SLC25A3: variants seen among roughly 807,000 people sequenced by gnomAD.
The protein encoded by SLC25A3 is phosphate transport protein.
In SLC25A3, 14 loss-of-function variants were observed where a neutral mutation model predicts 37.1. The ratio of observed to expected loss-of-function variants is 0.38; its 90% confidence interval spans 0.25 to 0.59. SLC25A3 has a LOEUF of 0.59. Ranked by LOEUF, SLC25A3 falls within the 20% of genes least tolerant of loss-of-function variation. The probability of loss-of-function intolerance (pLI) is 0.67; values close to 1 mark genes in which losing one functional copy is unlikely to be tolerated. For synonymous variants in SLC25A3, 161 were observed against 168.7 expected (o/e 0.95, Z 0.36); for missense variants, 385 against 458.1 (o/e 0.84, Z 1.46).
chr12:98,596,764 A>G (rs1190623897), intron 3 of SLC25A3, among the ~76,000 whole-genome samples: 1 of 152,214 alleles, frequency 6.6e-6, no homozygotes, highest in Non-Finnish European at 1.5e-5. Context: ...CTGGAATGCC[A>G]GCATTTTGGG....
rs1488407095 is a variant in SLC25A3, at chr12:98,594,284, G to C, written c.157+149G>C. 5.4e-6 allele frequency: 4 copies of C among 738,680 alleles called. No homozygotes were observed. In the South Asian group the frequency reaches 5.8e-5, roughly 11 times the overall value. The allele number at this position is 738,680 out of a possible 1,614,324, so 45.8% of individuals were successfully genotyped here. ...GCCCAGTTGCTTGCCCTGGGGTATCGGCCTTTTCCACCATAGGCGGGTGTC... is the reference window on the plus strand; with the variant it reads ...GCCCAGTTGCTTGCCCTGGGGTATCCGCCTTTTCCACCATAGGCGGGTGTC... On this transcript the variant is annotated intron_variant, in intron 2 of 7. Transcript: ENST00000552981.
intron 6 of SLC25A3, among the ~76,000 whole-genome samples, chr12:98,600,363 A>G (rs917101801): frequency 2.6e-5 from 4 of 151,386 alleles, no homozygotes; most frequent in African/African-American, 7.3e-5. Context: ...GCAGCCTCCC[A>G]AGTAGCTGGG....
Position 98,598,131 on chromosome 12 carries a change from GA to G in SLC25A3, c.459+100del. 5 of 1,243,070 alleles carry G rather than the reference GA, an allele frequency of 4.0e-6. No individual in the cohort carries two copies. The South Asian group carries it at 6.2e-5, about 15-fold the overall frequency. The allele number at this position is 1,243,070 out of a possible 1,614,324, so 77.0% of individuals were successfully genotyped here. A position where few individuals can be genotyped will look rare whatever the true frequency, so the allele number is the denominator to read the frequency against. On this transcript the variant is annotated intron_variant, in intron 4 of 7. Coordinates refer to ENST00000552981, the MANE Select transcript of SLC25A3 (RefSeq NM_002635.4). ...TGTCTTGCCTTATTTTAGCACTGAA[GA>G]AAATGGTCCTACAAAGTGAGCAACT...
At chr12:98,594,205 C>G in intron 2 of SLC25A3, 70 bp downstream of exon 2, 1 of 1,335,248 alleles carries the variant, frequency 7.5e-7, no homozygotes, top group Middle Eastern at 1.8e-4. Context: ...GAGGCCTGGA[C>G]CCGGCTTGGA....
chr12:98,604,265 T>G lies in SLC25A3; in HGVS notation c.*2737T>G, dbSNP rs11109543. On this transcript the variant is annotated 3_prime_UTR_variant, in exon 8 of 8. Transcript: ENST00000552981. Reference sequence around the variant, plus strand: ...GAAACTCTGTCTCAAAAAAAAAAAATATATATATATATATATATATATGAA... The same window carrying G: ...GAAACTCTGTCTCAAAAAAAAAAAAGATATATATATATATATATATATGAA... The G allele has an allele frequency of 2.2e-5, 2 of 90,776 alleles. No homozygotes were observed. Among genetic ancestry groups the G allele is most frequent in the East Asian group, 6.3e-4 (2 of 3,172 alleles). 5.6% of individuals were successfully genotyped at this position (90,776 alleles called of 1,614,324 possible).
chr12:98,601,844 A>G lies in SLC25A3; in HGVS notation c.*316A>G, dbSNP rs958253516. 2.2e-5 allele frequency: 6 copies of G among 269,792 alleles called. No individual in the cohort carries two copies. The highest frequency in any genetic ancestry group is 1.0e-4 in the Admixed American group (2 of 20,080). 16.7% of individuals were successfully genotyped at this position (269,792 alleles called of 1,614,324 possible). The stretch of plus-strand genomic sequence containing the variant: ...TTGTTGGTTGAATATTCCAGTTGCT[A>G]TTCAGAAATTGTCATATGTCTCAAG... On this transcript the variant is annotated 3_prime_UTR_variant, in exon 8 of 8. Transcript: ENST00000552981.
chr12:98,597,336 A>G (rs979350700), intron 3 of SLC25A3, among the ~76,000 whole-genome samples: 2 of 152,200 alleles, frequency 1.3e-5, no homozygotes, highest in African/African-American at 4.8e-5. Context: ...AAATATCTTA[A>G]TATTTTCAGA....
In SLC25A3 at chr12:98,600,103, G is replaced by C. The variant is rs1393066477; in HGVS notation, c.790G>C (p.Val264Leu). 2.5e-6 allele frequency: 4 copies of C among 1,612,632 alleles called. No homozygotes were observed. Among genetic ancestry groups the C allele is most frequent in the Non-Finnish European group, 2.5e-6 (3 of 1,178,578 alleles). ...SECSKPEQLVVTFVAGYIAGV... is the reference protein window; with the variant it reads ...SECSKPEQLVLTFVAGYIAGV... ...ATGTTCAAAGCCAGAGCAGCTGGTT[G>C]TAACATTTGTAGCAGGTTACATAGG... The change falls in exon 6 of 8, where the codon GTA becomes CTA. Residue 264 changes from valine to leucine, a missense_variant. This residue lies in a region of SLC25A3 where 276 missense variants were observed against 367.6 expected (regional missense o/e 0.75). Transcript: ENST00000552981.
intron 5 of SLC25A3, 147 bp downstream of exon 5, chr12:98,598,850 A>T (rs1348187208): frequency 1.2e-5 from 9 of 723,048 alleles, no homozygotes; most frequent in Admixed American, 1.1e-4. Flanking sequence ...ATCTCGGCTC[A>T]CTGCAAGCTC....
In SLC25A3 at chr12:98,603,557, GCC is replaced by G. The variant is rs1228000309; in HGVS notation, c.*2030_*2031del. 1 of 152,232 alleles carries G rather than the reference GCC, an allele frequency of 6.6e-6. No individual in the cohort carries two copies. The highest frequency in any genetic ancestry group is 2.4e-5 in the African/African-American group (1 of 41,464). The allele number at this position is 152,232 out of a possible 1,614,324, so 9.4% of individuals were successfully genotyped here. On this transcript the variant is annotated 3_prime_UTR_variant, in exon 8 of 8. Transcript: ENST00000552981. Reference sequence around the variant, plus strand: ...GGAGCAGTAGAAACGCATTAGTCCAGCCAACGTGAAAGTGGACCGTAGATCTA... The same window carrying G: ...GGAGCAGTAGAAACGCATTAGTCCAGAACGTGAAAGTGGACCGTAGATCTA...
chr12:98,603,855 A>G lies in SLC25A3; in HGVS notation c.*2327A>G, dbSNP rs1462460372. 6.6e-6 allele frequency: 1 copy of G among 152,188 alleles called. No individual in the cohort carries two copies. The highest frequency in any genetic ancestry group is 6.5e-5 in the Admixed American group (1 of 15,272). The allele number at this position is 152,188 out of a possible 1,614,324, so 9.4% of individuals were successfully genotyped here. On this transcript the variant is annotated 3_prime_UTR_variant, in exon 8 of 8. Coordinates refer to ENST00000552981, the MANE Select transcript of SLC25A3 (RefSeq NM_002635.4). ...TCAGGTTTTTAAATTATACTAAAAG[A>G]TTCTAGTAAGAAAATTTTAATATGT...
chr12:98,597,521 G>A lies in SLC25A3; in HGVS notation c.280-335G>A, dbSNP rs1032225005. The A allele has an allele frequency of 1.7e-4, 51 of 292,004 alleles. 2 individuals are homozygous for A. The highest frequency in any genetic ancestry group is 1.5e-3 in the Admixed American group (31 of 20,146). 18.1% of individuals were successfully genotyped at this position (292,004 alleles called of 1,614,324 possible). A position where few individuals can be genotyped will look rare whatever the true frequency, so the allele number is the denominator to read the frequency against. The stretch of plus-strand genomic sequence containing the variant: ...CCACCTCCCTCCCTCAGGCTCAAGC[G>A]ATTGTTCTGTCTCACCCTCACCCTC... On this transcript the variant is annotated intron_variant, in intron 3 of 7. Transcript: ENST00000552981.
Position 98,601,790 on chromosome 12 carries a change from AG to A in SLC25A3, c.*264del. The A allele has an allele frequency of 2.4e-6, 1 of 422,536 alleles. No homozygotes were observed. Among genetic ancestry groups the A allele is most frequent in the East Asian group, 4.7e-5 (1 of 21,496 alleles). 26.2% of individuals were successfully genotyped at this position (422,536 alleles called of 1,614,324 possible). On this transcript the variant is annotated 3_prime_UTR_variant, in exon 8 of 8. Coordinates refer to ENST00000552981, the MANE Select transcript of SLC25A3 (RefSeq NM_002635.4). ...TGGAAAGAATGAAGTATATAAGTTA[AG>A]GAAAAAATACAAAACTGACCATGAC... is the stretch of plus-strand genomic sequence containing the variant.
intron 4 of SLC25A3, 83 bp downstream of exon 4, chr12:98,598,118 T>A (rs1356983181): frequency 5.0e-6 from 7 of 1,387,044 alleles, no homozygotes; most frequent in Non-Finnish European, 5.1e-6. Context: ...TCTTGCCTTA[T>A]TTTAGCACTG....
intron 6 of SLC25A3, 117 bp from the exon 7 acceptor site, chr12:98,601,054 G>A: frequency 8.4e-7 from 1 of 1,189,272 alleles, no homozygotes; most frequent in Non-Finnish European, 1.2e-6. Context: ...GTCACCCTGA[G>A]TCTGATTTTT....
intron 3 of SLC25A3, among the ~76,000 whole-genome samples, chr12:98,596,868 A>G (rs2097593406): frequency 6.6e-6 from 1 of 152,126 alleles, no homozygotes; most frequent in Admixed American, 6.6e-5. Context: ...TAAAAATACA[A>G]AAATTAGCTG....
In SLC25A3 at chr12:98,605,102, C is replaced by T. The variant is rs552398124; in HGVS notation, c.*3574C>T. The T allele has an allele frequency of 6.6e-6, 1 of 152,222 alleles. No individual in the cohort carries two copies. The highest frequency in any genetic ancestry group is 2.1e-4 in the South Asian group (1 of 4,818). The allele number at this position is 152,222 out of a possible 1,614,324, so 9.4% of individuals were successfully genotyped here. ...TTTTATATTTTTATTTTATTTGATC[C>T]TTGTTCTGAAACCATAAAGTGAGTT... On this transcript the variant is annotated 3_prime_UTR_variant, in exon 8 of 8. Coordinates refer to ENST00000552981, the MANE Select transcript of SLC25A3 (RefSeq NM_002635.4).
chr12:98,599,568 T>C (rs986197413), intron 5 of SLC25A3: 5 of 467,992 alleles, frequency 1.1e-5, no homozygotes, highest in Non-Finnish European at 2.1e-5. Context: ...ACATTTACTA[T>C]TAACTTTTAG....
rs905907103 is a variant in SLC25A3, at chr12:98,597,809, T to C, written c.280-47T>C. 3.1e-6 allele frequency: 5 copies of C among 1,599,620 alleles called. No individual in the cohort carries two copies. In the Admixed American group the frequency reaches 5.1e-5, roughly 16 times the overall value. On this transcript the variant is annotated intron_variant, in intron 3 of 7. Transcript: ENST00000552981. ...ATAATCATGAGATTAAATTTTTATG[T>C]TAGCTGTTTGGTGCATTTAATTTTT...
Sources: allele counts gnomAD v4.1 joint callset (sites outside exome capture counted in the v4.1 genomes callset), GRCh38; gene constraint gnomAD v4.1.1; regional missense constraint gnomAD v4.1.1; transcripts MANE v1.5; gene names NCBI Gene and HGNC (gene_info 2026-07-23, HGNC 2026-07-21).